KHDRBS2: variants seen among roughly 807,000 people sequenced by gnomAD.
KHDRBS2 encodes KH domain-containing, RNA-binding, signal transduction-associated protein 2.
In KHDRBS2, 26 loss-of-function variants were observed where a neutral mutation model predicts 44.3. That is an observed-to-expected ratio of 0.59 (90% CI 0.43 to 0.81). The LOEUF is 0.81. Among genes scored for constraint, KHDRBS2 ranks in the 40% least tolerant of loss-of-function variants. The probability of loss-of-function intolerance (pLI) is 0.00; values close to 1 mark genes in which losing one functional copy is unlikely to be tolerated. For synonymous variants in KHDRBS2, 194 were observed against 151.1 expected (o/e 1.28, Z -2.08); for missense variants, 476 against 433.1 (o/e 1.10, Z -0.88).
At chr6:61,943,815 C>A (rs1289196069) in intron 4 of KHDRBS2, among the ~76,000 whole-genome samples, 1 of 151,860 alleles carries the variant, frequency 6.6e-6, no homozygotes, top group East Asian at 1.9e-4. Flanking sequence ...TAAAAAGAAC[C>A]ACACAAATAA....
At position 62,213,873 on chromosome 6, in the gene KHDRBS2, C is replaced by CAAAAAAAAAAAAAAAAAAAAAAAAAA. The variant is rs67482871; in HGVS notation, c.92-36587_92-36562dup. ...TGGGTGACAGAGCGAGACTCCATCT[C>CAAAAAAAAAAAAAAAAAAAAAAAAAA]AAAAAAAAAAAAAAAAAAAAAAAAA... On this transcript the variant is annotated intron_variant, in intron 1 of 8. Coordinates refer to ENST00000281156, the MANE Select transcript of KHDRBS2 (RefSeq NM_152688.4). 4.8e-5 allele frequency among the ~76,000 whole-genome samples: 2 copies of CAAAAAAAAAAAAAAAAAAAAAAAAAA among 41,486 alleles called. 1 individual carries two copies. Among genetic ancestry groups the CAAAAAAAAAAAAAAAAAAAAAAAAAA allele is most frequent in the Non-Finnish European group, 8.1e-5 (2 of 24,612 alleles). The allele number at this position is 41,486 out of a possible 152,430, so 27.2% of individuals were successfully genotyped here.
intron 2 of KHDRBS2, among the ~76,000 whole-genome samples, chr6:62,064,582 A>G (rs1225485029): frequency 3.4e-5 from 5 of 148,326 alleles, no homozygotes; most frequent in East Asian, 2.0e-4. Flanking sequence ...AGCCATATGT[A>G]GAAAGCTGAA....
chr6:61,920,747 T>C (rs1807931416), intron 4 of KHDRBS2, among the ~76,000 whole-genome samples: 1 of 151,946 alleles, frequency 6.6e-6, no homozygotes, highest in Non-Finnish European at 1.5e-5. Context: ...AAAAGTGCAG[T>C]CAGAGTACGT....
intron 1 of KHDRBS2, among the ~76,000 whole-genome samples, chr6:62,185,790 T>C (rs1187681799): frequency 1.3e-5 from 2 of 152,020 alleles, no homozygotes; most frequent in Non-Finnish European, 2.9e-5. Flanking sequence ...ATCCAAATTA[T>C]AACCACTTCA....
At chr6:61,993,905 G>T (rs1776677796) in intron 3 of KHDRBS2, among the ~76,000 whole-genome samples, 1 of 151,780 alleles carries the variant, frequency 6.6e-6, no homozygotes, top group African/African-American at 2.4e-5. Context: ...CTAAACTTTA[G>T]GAAATTGATT....
intron 6 of KHDRBS2, among the ~76,000 whole-genome samples, chr6:61,784,965 A>G (rs1264228926): frequency 2.0e-5 from 3 of 152,074 alleles, no homozygotes. Flanking sequence ...CCTGGGCAAC[A>G]TGGCAAAACT....
At chr6:61,806,980 C>G (rs1325068673) in intron 6 of KHDRBS2, among the ~76,000 whole-genome samples, 1 of 151,828 alleles carries the variant, frequency 6.6e-6, no homozygotes, top group Admixed American at 6.6e-5. Flanking sequence ...TCTACATTAC[C>G]TTGAAATATC....
intron 6 of KHDRBS2, among the ~76,000 whole-genome samples, chr6:61,892,061 T>C (rs1193620189): frequency 1.3e-5 from 2 of 152,158 alleles, no homozygotes; most frequent in African/African-American, 4.8e-5. Flanking sequence ...AGTCTCAAGA[T>C]ACAAAATCAA....
At chr6:61,636,931 C>A in the KHDRBS2 span, among the ~76,000 whole-genome samples, 1 of 152,064 alleles carries the variant, frequency 6.6e-6, no homozygotes, top group Non-Finnish European at 1.5e-5. Context: ...ATTAAAAAAC[C>A]TATGTGACAT....
chr6:61,850,918 C>T (rs1193508351), intron 6 of KHDRBS2, among the ~76,000 whole-genome samples: 4 of 152,092 alleles, frequency 2.6e-5, no homozygotes, highest in African/African-American at 4.8e-5. Flanking sequence ...GTTATATCCT[C>T]CAGGCTTGTT....
At chr6:62,132,688 C>A (rs1810605000) in intron 2 of KHDRBS2, among the ~76,000 whole-genome samples, 1 of 152,092 alleles carries the variant, frequency 6.6e-6, no homozygotes, top group African/African-American at 2.4e-5. Context: ...GTTGCTGTTT[C>A]CTGAAAGATG....
the KHDRBS2 span, among the ~76,000 whole-genome samples, chr6:61,673,195 T>C: frequency 6.6e-5 from 10 of 151,980 alleles, no homozygotes; most frequent in African/African-American, 2.4e-4. Flanking sequence ...TGTTCTGTTC[T>C]ATTGATCTAT....
At chr6:61,945,112 A>T (rs2021547) in intron 4 of KHDRBS2, among the ~76,000 whole-genome samples, 24,972 of 47,202 alleles carry the variant, frequency 0.53, 6,361 homozygotes, top group African/African-American at 0.6. Flanking sequence ...AAAAAAAAAA[A>T]GTATATATAT....
In KHDRBS2 at chr6:61,702,987, G is replaced by A. The variant is rs376200654; in HGVS notation, c.894-5734C>T. Among the ~76,000 whole-genome samples the A allele has an allele frequency of 4.3e-4, 66 of 151,766 alleles. 1 individual carries two copies. Among genetic ancestry groups the A allele is most frequent in the South Asian group, 3.1e-3 (15 of 4,810 alleles). On this transcript the variant is annotated intron_variant, in intron 7 of 8. Transcript: ENST00000281156. ...AAAAATTATACCTGCTATAACCACC[G>A]AAGTAATTAAGTTCCAAATCACTGA...
At chr6:62,048,915 T>C (rs1208243965) in intron 2 of KHDRBS2, among the ~76,000 whole-genome samples, 2 of 151,928 alleles carry the variant, frequency 1.3e-5, no homozygotes. Context: ...GTAAAATTGC[T>C]TTCTATATCA....
chr6:62,164,626 G>T (rs1187306442), intron 2 of KHDRBS2, among the ~76,000 whole-genome samples: 1 of 151,362 alleles, frequency 6.6e-6, no homozygotes, highest in Admixed American at 6.6e-5. Context: ...ATACTCAAGG[G>T]GAACAAACTC....
chr6:61,700,742 AGTT>A (rs1768523758), intron 7 of KHDRBS2, among the ~76,000 whole-genome samples: 1 of 63,006 alleles, frequency 1.6e-5, no homozygotes, highest in African/African-American at 4.0e-5. Flanking sequence ...TTACCTTCTC[AGTT>A]GGTAGAAGGC....
intron 2 of KHDRBS2, among the ~76,000 whole-genome samples, chr6:62,093,468 T>C (rs981655785): frequency 6.6e-6 from 1 of 151,956 alleles, no homozygotes; most frequent in Admixed American, 6.6e-5. Context: ...ACCTTAAACA[T>C]TTATCATTTC....
intron 3 of KHDRBS2, among the ~76,000 whole-genome samples, chr6:62,014,504 T>G (rs1283553921): frequency 1.3e-5 from 2 of 152,098 alleles, no homozygotes; most frequent in African/African-American, 4.8e-5. Flanking sequence ...CATAACAAAT[T>G]GCTGTCTCTG....
Sources: gnomAD v4.1 joint callset for allele counts (sites outside exome capture counted in the v4.1 genomes callset) on GRCh38, gnomAD v4.1.1 for gene constraint, MANE v1.5 for transcripts, NCBI Gene and HGNC (gene_info 2026-07-23, HGNC 2026-07-21) for gene names.